Variants in CSMD3 observed in about 807,000 individuals in gnomAD.
The protein encoded by CSMD3 is CUB and Sushi multiple domains 3.
In CSMD3, 177 loss-of-function variants were observed where a neutral mutation model predicts 435.2. The ratio of observed to expected loss-of-function variants is 0.41; its 90% CI spans 0.36 to 0.46. The LOEUF is 0.46. Among genes scored for constraint, CSMD3 ranks in the 20% least tolerant of loss-of-function variants. The pLI is 0.34. For missense variants in CSMD3, 4,265 were observed against 4,504.6 expected, an observed-to-expected ratio of 0.95 and a Z score of 1.52; for synonymous variants, 1,656 against 1,520.5, an observed-to-expected ratio of 1.09 and a Z score of -2.07.
At chr8:113,417,470 AATT>A (rs2094587212) in intron 1 of CSMD3, among the ~76,000 whole-genome samples, 2 of 152,024 alleles carry the variant, frequency 1.3e-5, no homozygotes, top group African/African-American at 4.8e-5. Flanking sequence ...TATAGTAAAA[AATT>A]ATTATATTAA....
intron 60 of CSMD3, among the ~76,000 whole-genome samples, chr8:112,264,062 G>T (rs1293801005): frequency 6.6e-6 from 1 of 152,046 alleles, no homozygotes; most frequent in Non-Finnish European, 1.5e-5. Context: ...ATAGCAAGCT[G>T]CCTGACATCT....
intron 10 of CSMD3, among the ~76,000 whole-genome samples, chr8:112,865,686 C>CACACACA (rs1564039948): frequency 1.6e-3 from 69 of 43,208 alleles, no homozygotes; most frequent in South Asian, 4.4e-3. Context: ...TTTACATACC[C>CACACACA]CACACACACA....
chr8:113,407,273 C>G (rs951089335), intron 1 of CSMD3, among the ~76,000 whole-genome samples: 2 of 152,076 alleles, frequency 1.3e-5, no homozygotes, highest in Non-Finnish European at 1.5e-5. Context: ...CTTTTGCTCA[C>G]TATGTAAAAC....
At chr8:112,786,648 C>G (rs560251181) in intron 13 of CSMD3, among the ~76,000 whole-genome samples, 60 of 151,822 alleles carry the variant, frequency 4.0e-4, no homozygotes, top group African/African-American at 1.4e-3. Flanking sequence ...AAATGGAAAA[C>G]ATGTATATGA....
chr8:112,366,897 T>C (rs1827836011), intron 38 of CSMD3, among the ~76,000 whole-genome samples: 1 of 152,214 alleles, frequency 6.6e-6, no homozygotes, highest in South Asian at 2.1e-4. Flanking sequence ...GTCTTGAACT[T>C]GATAGAGCTT....
At chr8:113,436,626 A>C in intron 1 of CSMD3, 51 bp downstream of exon 1, 1 of 1,541,776 alleles carries the variant, frequency 6.5e-7, no homozygotes, top group South Asian at 1.1e-5. Flanking sequence ...CTCCATCTAC[A>C]AGTCAGCCCA....
intron 30 of CSMD3, among the ~76,000 whole-genome samples, chr8:112,499,894 A>C (rs1164691216): frequency 6.6e-6 from 1 of 152,060 alleles, no homozygotes; most frequent in African/African-American, 2.4e-5. Context: ...CCGGATCATG[A>C]GGTCAGGAGT....
intron 3 of CSMD3, among the ~76,000 whole-genome samples, chr8:113,194,529 C>G (rs2092628885): frequency 6.6e-6 from 1 of 151,138 alleles, no homozygotes; most frequent in Admixed American, 6.6e-5. Flanking sequence ...AGAGTAAACT[C>G]TAAGGTAATC....
chr8:113,145,654 T>G (rs1214066994), intron 4 of CSMD3, among the ~76,000 whole-genome samples: 3 of 151,666 alleles, frequency 2.0e-5, no homozygotes, highest in Non-Finnish European at 3.0e-5. Context: ...AATATCTTAT[T>G]GAAATGAATG....
intron 32 of CSMD3, among the ~76,000 whole-genome samples, chr8:112,458,640 C>A (rs919949672): frequency 6.6e-6 from 1 of 152,034 alleles, no homozygotes; most frequent in African/African-American, 2.4e-5. Flanking sequence ...CCAAGCTTGC[C>A]AGATATTCTC....
intron 3 of CSMD3, among the ~76,000 whole-genome samples, chr8:113,257,488 T>C (rs952062791): frequency 6.6e-6 from 1 of 152,112 alleles, no homozygotes; most frequent in Admixed American, 6.5e-5. Context: ...TCCTCAAGAG[T>C]GGCAAACCCA....
At chr8:112,899,599 TTATATATA>T (rs71309794) in intron 10 of CSMD3, among the ~76,000 whole-genome samples, 7,864 of 99,862 alleles carry the variant, frequency 0.079, 398 homozygotes, top group East Asian at 0.14. Context: ...CTTGTCTATT[TTATATATA>T]TATATATATA....
intron 1 of CSMD3, among the ~76,000 whole-genome samples, chr8:113,336,964 A>C (rs1322553595): frequency 6.6e-6 from 1 of 152,062 alleles, no homozygotes; most frequent in East Asian, 1.9e-4. Flanking sequence ...TGCTGTGGAT[A>C]AGGGTGGAAG....
At chr8:112,239,940 G>A (rs1813964626) in intron 66 of CSMD3, among the ~76,000 whole-genome samples, 1 of 151,936 alleles carries the variant, frequency 6.6e-6, no homozygotes, top group South Asian at 2.1e-4. Context: ...TCTCTTAATA[G>A]GGACACAACT....
chr8:113,405,719 A>T lies in CSMD3; in HGVS notation c.178+30958T>A, dbSNP rs1479217832. 2.6e-5 allele frequency among the ~76,000 whole-genome samples: 4 copies of T among 151,766 alleles called. No individual in the cohort carries two copies. The East Asian group carries it at 5.8e-4, about 22-fold the overall frequency. The stretch of plus-strand genomic sequence containing the variant: ...TGTAGGATCACCTATGGATGAGCAA[A>T]TTATAAGCAAAGGAGAAACAACAAC... On this transcript the variant is annotated intron_variant, in intron 1 of 70. Coordinates refer to ENST00000297405, the MANE Select transcript of CSMD3 (RefSeq NM_198123.2).
At chr8:112,479,407 A>C (rs1586461093) in intron 31 of CSMD3, among the ~76,000 whole-genome samples, 1 of 152,234 alleles carries the variant, frequency 6.6e-6, no homozygotes, top group Non-Finnish European at 1.5e-5. Context: ...TGCTAGAGAA[A>C]TTAGAATGAG....
chr8:113,145,653 T>C (rs530904214), intron 4 of CSMD3, among the ~76,000 whole-genome samples: 2 of 151,804 alleles, frequency 1.3e-5, no homozygotes, highest in South Asian at 2.1e-4. Context: ...TAATATCTTA[T>C]TGAAATGAAT....
At chr8:113,218,074 C>T (rs1048192328) in intron 3 of CSMD3, among the ~76,000 whole-genome samples, 9 of 149,628 alleles carry the variant, frequency 6.0e-5, no homozygotes, top group Non-Finnish European at 1.2e-4. Flanking sequence ...GGATGCCTTC[C>T]TATCTTTCAG....
At chr8:113,195,661 G>T (rs2092643118) in intron 3 of CSMD3, among the ~76,000 whole-genome samples, 1 of 150,212 alleles carries the variant, frequency 6.7e-6, no homozygotes, top group African/African-American at 2.4e-5. Flanking sequence ...ATCATGATGA[G>T]AAAGAACCTA....
Sources: gnomAD v4.1 joint callset for allele counts (sites outside exome capture counted in the v4.1 genomes callset) on GRCh38, gnomAD v4.1.1 for gene constraint, MANE v1.5 for transcripts, NCBI Gene and HGNC (gene_info 2026-07-23, HGNC 2026-07-21) for gene names.